Variants in NAALADL2 observed in about 807,000 individuals in gnomAD.
NAALADL2 encodes inactive N-acetylated-alpha-linked acidic dipeptidase-like protein 2.
In NAALADL2, 76 loss-of-function variants were observed where a neutral mutation model predicts 87.2. The ratio of observed to expected loss-of-function variants is 0.87; its 90% CI spans 0.72 to 1.05. The LOEUF is 1.05. Ranked by LOEUF, NAALADL2 falls within the 50% of genes least tolerant of loss-of-function variation. The pLI is 0.00. For synonymous variants in NAALADL2, 354 were observed against 331.0 expected, an observed-to-expected ratio of 1.07 and a Z score of -0.75; for missense variants, 1,089 against 945.8, an observed-to-expected ratio of 1.15 and a Z score of -1.99.
chr3:175,628,976 T>C (rs1227807830), intron 11 of NAALADL2, among the ~76,000 whole-genome samples: 2 of 150,988 alleles, frequency 1.3e-5, no homozygotes, highest in East Asian at 1.9e-4. Flanking sequence ...CAAAATCACC[T>C]AACAGGAAGC....
chr3:175,343,485 A>G (rs1053669221), intron 5 of NAALADL2, among the ~76,000 whole-genome samples: 34 of 152,026 alleles, frequency 2.2e-4, no homozygotes, highest in Admixed American at 6.6e-5. Flanking sequence ...TTGACAGCCA[A>G]GAAACCAAGA....
At chr3:174,461,311 G>T (rs73881167) in intron 1 of NAALADL2, among the ~76,000 whole-genome samples, 4,131 of 152,094 alleles carry the variant, frequency 0.027, 176 homozygotes, top group African/African-American at 0.092. Context: ...TTAGTCTCAA[G>T]AATATAACAG....
chr3:174,467,753 T>G (rs541203991), intron 1 of NAALADL2, among the ~76,000 whole-genome samples: 14 of 152,148 alleles, frequency 9.2e-5, no homozygotes, highest in Admixed American at 3.9e-4. Flanking sequence ...TTTATTCTTA[T>G]GTGAAAAAAG....
intron 1 of NAALADL2, among the ~76,000 whole-genome samples, chr3:174,940,977 G>A (rs1460203793): frequency 1.3e-5 from 2 of 151,826 alleles, no homozygotes; most frequent in East Asian, 3.9e-4. Context: ...TGATCTATTG[G>A]ATATTTTTTT....
chr3:175,080,250 C>G (rs1391065080), intron 1 of NAALADL2, among the ~76,000 whole-genome samples: 1 of 152,214 alleles, frequency 6.6e-6, no homozygotes, highest in African/African-American at 2.4e-5. Flanking sequence ...AGGCGTGAGC[C>G]ACTGTGCCCG....
chr3:174,843,898 T>C (rs183876537), intron 3 of NAALADL2, among the ~76,000 whole-genome samples: 83 of 152,312 alleles, frequency 5.4e-4, no homozygotes, highest in African/African-American at 1.9e-3. Flanking sequence ...TTGAGTTGTT[T>C]AAAGTGTTTA....
chr3:175,184,795 G>T (rs1277168719), intron 2 of NAALADL2, among the ~76,000 whole-genome samples: 1 of 152,042 alleles, frequency 6.6e-6, no homozygotes. Flanking sequence ...CCGAACCTCT[G>T]ATTCAACTTT....
chr3:174,882,963 T>G (rs1215670942), intron 1 of NAALADL2, among the ~76,000 whole-genome samples: 2 of 151,758 alleles, frequency 1.3e-5, no homozygotes, highest in Non-Finnish European at 1.5e-5. Context: ...TTAACTCACA[T>G]GATCACAAGG....
At chr3:174,963,558 C>G (rs1413788011) in intron 1 of NAALADL2, among the ~76,000 whole-genome samples, 1 of 152,124 alleles carries the variant, frequency 6.6e-6, no homozygotes, top group Non-Finnish European at 1.5e-5. Flanking sequence ...CTTTGTTGAC[C>G]TATCATCTTC....
chr3:174,944,059 G>T (rs180819383), intron 1 of NAALADL2, among the ~76,000 whole-genome samples: 1 of 152,038 alleles, frequency 6.6e-6, no homozygotes, highest in Non-Finnish European at 1.5e-5. Flanking sequence ...GGGCTGCTGC[G>T]GTATGCTAGG....
intron 2 of NAALADL2, among the ~76,000 whole-genome samples, chr3:174,656,442 A>T (rs775990611): frequency 3.5e-4 from 53 of 152,200 alleles, no homozygotes; most frequent in Non-Finnish European, 6.8e-4. Flanking sequence ...TTCCAGCAAG[A>T]TATGATTTAA....
chr3:175,078,431 A>G (rs551666811), intron 1 of NAALADL2, among the ~76,000 whole-genome samples: 1 of 152,334 alleles, frequency 6.6e-6, no homozygotes, highest in East Asian at 1.9e-4. Context: ...TTAGATATAA[A>G]TTAAAAACCA....
At chr3:175,047,395 A>T (rs1461075240) in intron 1 of NAALADL2, among the ~76,000 whole-genome samples, 4 of 152,174 alleles carry the variant, frequency 2.6e-5, no homozygotes, top group African/African-American at 4.8e-5. Flanking sequence ...AATTTTTTTT[A>T]AATTTCTTCT....
chr3:175,781,744 G>A (rs1751133782), intron 13 of NAALADL2, among the ~76,000 whole-genome samples: 1 of 151,290 alleles, frequency 6.6e-6, no homozygotes. Context: ...AAGTTTTAGG[G>A]TACATGTGCA....
intron 2 of NAALADL2, among the ~76,000 whole-genome samples, chr3:175,171,403 G>A (rs1410513266): frequency 6.6e-6 from 1 of 151,964 alleles, no homozygotes; most frequent in African/African-American, 2.4e-5. Context: ...TAAGTCTCCT[G>A]TCATTTGATA....
intron 2 of NAALADL2, among the ~76,000 whole-genome samples, chr3:175,217,496 G>A (rs1580974458): frequency 6.6e-6 from 1 of 152,144 alleles, no homozygotes; most frequent in South Asian, 2.1e-4. Context: ...GGAAATAGTT[G>A]CATATATTTT....
chr3:175,186,264 G>T (rs921064414), intron 2 of NAALADL2, among the ~76,000 whole-genome samples: 3 of 151,986 alleles, frequency 2.0e-5, no homozygotes, highest in Non-Finnish European at 4.4e-5. Context: ...GATCCTGAGA[G>T]AATTCTCTTC....
intron 2 of NAALADL2, among the ~76,000 whole-genome samples, chr3:175,210,356 A>G (rs567682913): frequency 6.6e-6 from 1 of 151,956 alleles, no homozygotes; most frequent in African/African-American, 2.4e-5. Flanking sequence ...GGGATATTCA[A>G]GAGATAAGAT....
intron 4 of NAALADL2, 147 bp from the exon 5 acceptor site, chr3:175,324,028 C>CAAAAAAAAAAAAAAAAAAAAA (rs372517580): frequency 6.0e-5 from 26 of 436,770 alleles, no homozygotes; most frequent in South Asian, 2.0e-4. Context: ...AAAAAACAAA[C>CAAAAAAAAAAAAAAAAAAAAA]AAAAAAAAAA....
Sources: gnomAD v4.1 joint callset for allele counts (sites outside exome capture counted in the v4.1 genomes callset) on GRCh38, gnomAD v4.1.1 for gene constraint, MANE v1.5 for transcripts, NCBI Gene and HGNC (gene_info 2026-07-23, HGNC 2026-07-21) for gene names.